SYT16: variants seen among roughly 807,000 people sequenced by gnomAD.
SYT16 encodes synaptotagmin 16.
A neutral mutation model predicts 61.4 loss-of-function variants in SYT16; 42 were observed. The ratio of observed to expected loss-of-function variants is 0.68; its 90% confidence interval spans 0.53 to 0.89. The LOEUF is 0.89. Among genes scored for constraint, SYT16 ranks in the 40% least tolerant of loss-of-function variants. The pLI, the probability that SYT16 is intolerant of heterozygous loss-of-function variation, is 0.00. For synonymous variants in SYT16, 314 were observed against 302.3 expected (o/e 1.04, Z -0.40); for missense variants, 804 against 807.3 (o/e 1.00, Z 0.05).
chr14:61,892,902 C>CA (rs2048188209), intron 1 of SYT16, among the ~76,000 whole-genome samples: 1 of 151,942 alleles, frequency 6.6e-6, no homozygotes, highest in Admixed American at 6.6e-5. Flanking sequence ...ACAGAATAAA[C>CA]GGTTTTTTTT....
intron 1 of SYT16, among the ~76,000 whole-genome samples, chr14:61,820,252 C>A (rs1378088312): frequency 1.3e-5 from 2 of 152,158 alleles, no homozygotes; most frequent in African/African-American, 4.8e-5. Flanking sequence ...GAAATGTGCA[C>A]ACACACAACT....
chr14:62,068,805 C>CT lies in SYT16; in HGVS notation c.524-790dup, dbSNP rs1566816537. ...AATGAGTCTCTTTTCTCTTCTTTTT[C>CT]TTTTTTTTGAGACAGTGTCTCACTC... On this transcript the variant is annotated intron_variant, in intron 3 of 7. Transcript: ENST00000683842. Among the ~76,000 whole-genome samples, 3 of 151,720 alleles carry CT rather than the reference C, an allele frequency of 2.0e-5. No individual in the cohort carries two copies. In the South Asian group the frequency reaches 6.2e-4, roughly 32 times the overall value.
At chr14:61,984,907 TA>T (rs1173639926) in intron 2 of SYT16, among the ~76,000 whole-genome samples, 1 of 152,166 alleles carries the variant, frequency 6.6e-6, no homozygotes, top group African/African-American at 2.4e-5. Flanking sequence ...AAGGGAAATG[TA>T]AAAGGAGTGT....
intron 2 of SYT16, among the ~76,000 whole-genome samples, chr14:61,981,247 A>T (rs566075230): frequency 6.6e-6 from 1 of 152,190 alleles, no homozygotes; most frequent in African/African-American, 2.4e-5. Flanking sequence ...TATTAATCTC[A>T]TCTACAATAA....
intron 2 of SYT16, among the ~76,000 whole-genome samples, chr14:61,979,319 T>C (rs2051954684): frequency 6.6e-6 from 1 of 152,302 alleles, no homozygotes; most frequent in South Asian, 2.1e-4. Context: ...TTAGTATGAT[T>C]GATGAATTAA....
rs2057583670 is a variant in SYT16 at position 62,110,216 on chromosome 14, A to C, written c.*9509A>C. The C allele has an allele frequency of 6.6e-6, 1 of 152,196 alleles. No individual in the cohort carries two copies. Among genetic ancestry groups the C allele is most frequent in the African/African-American group, 2.4e-5 (1 of 41,458 alleles). 9.4% of individuals were successfully genotyped at this position (152,196 alleles called of 1,614,324 possible). A position where few individuals can be genotyped will look rare whatever the true frequency, so the allele number is the denominator to read the frequency against. The stretch of plus-strand genomic sequence containing the variant: ...CCTGTGTTCTGATATCAAATCTTCC[A>C]CTAATGAGCTCTAAAATGAATATCA... On this transcript the variant is annotated 3_prime_UTR_variant, in exon 8 of 8. Coordinates refer to ENST00000683842, the MANE Select transcript of SYT16 (RefSeq NM_001367656.1).
intron 1 of SYT16, among the ~76,000 whole-genome samples, chr14:61,923,203 A>G (rs75320803): frequency 0.015 from 2,243 of 152,328 alleles, 53 homozygotes; most frequent in African/African-American, 0.051. Flanking sequence ...CAAATTATGG[A>G]ACTATGGCAC....
At position 62,071,864 on chromosome 14, in the gene SYT16, A is replaced by G. The variant is rs956132042; in HGVS notation, c.736+2049A>G. On this transcript the variant is annotated intron_variant, in intron 4 of 7. Coordinates refer to ENST00000683842, the MANE Select transcript of SYT16 (RefSeq NM_001367656.1). ...GCCAAATCTAAGTAAAATCTGAAAC[A>G]TGAGTGAGCTATTGGTAGGTTGTCT... is the stretch of plus-strand genomic sequence containing the variant. Among the ~76,000 whole-genome samples the G allele has an allele frequency of 2.6e-5, 4 of 152,356 alleles. No individual in the cohort carries two copies. The South Asian group carries it at 8.3e-4, about 32-fold the overall frequency.
At chr14:61,999,398 G>T (rs533729665) in intron 3 of SYT16, among the ~76,000 whole-genome samples, 1 of 151,656 alleles carries the variant, frequency 6.6e-6, no homozygotes, top group South Asian at 2.1e-4. Context: ...TGAAGTTATG[G>T]ACATAGTAGT....
intron 1 of SYT16, among the ~76,000 whole-genome samples, chr14:61,937,438 T>C (rs1320403564): frequency 1.3e-5 from 2 of 152,224 alleles, no homozygotes; most frequent in Non-Finnish European, 2.9e-5. Context: ...GCTGTAAGAC[T>C]TACTTAGCTT....
chr14:61,939,685 TAC>T (rs2050132791), intron 1 of SYT16, among the ~76,000 whole-genome samples: 1 of 152,166 alleles, frequency 6.6e-6, no homozygotes, highest in Non-Finnish European at 1.5e-5. Context: ...TATCTCCAAA[TAC>T]AGTGACCTTC....
chr14:61,814,367 T>C (rs571005505), intron 1 of SYT16, among the ~76,000 whole-genome samples: 1 of 152,346 alleles, frequency 6.6e-6, no homozygotes, highest in South Asian at 2.1e-4. Flanking sequence ...TTTGGCCTTA[T>C]TGTGTTATTA....
chr14:61,848,099 G>C (rs975395372), intron 1 of SYT16, among the ~76,000 whole-genome samples: 1 of 152,136 alleles, frequency 6.6e-6, no homozygotes, highest in Non-Finnish European at 1.5e-5. Context: ...TTTCCTGTAT[G>C]GTCTTCATGC....
rs115791200 is a variant in SYT16, at chr14:61,937,166, A to G, written c.-324-32966A>G. 6.3e-3 allele frequency among the ~76,000 whole-genome samples: 960 copies of G among 152,270 alleles called. 10 individuals carry two copies. Among genetic ancestry groups the G allele is most frequent in the African/African-American group, 0.022 (898 of 41,550 alleles). ...TATTTCTAAGAGCTTCAAAGTTTAC[A>G]TTTGCTTTAAACTGATTTTGCTTTG... On this transcript the variant is annotated intron_variant, in intron 1 of 7. Transcript: ENST00000683842.
intron 1 of SYT16, among the ~76,000 whole-genome samples, chr14:61,834,531 G>A (rs904259656): frequency 7.3e-6 from 1 of 136,806 alleles, no homozygotes; most frequent in Non-Finnish European, 1.5e-5. Flanking sequence ...TCTGCCTCCC[G>A]GGTTTAAGTG....
chr14:61,998,488 G>A (rs776910186), intron 3 of SYT16, among the ~76,000 whole-genome samples: 10 of 151,916 alleles, frequency 6.6e-5, no homozygotes, highest in South Asian at 2.1e-4. Flanking sequence ...CTACCATAAC[G>A]CGTTTGAGAT....
chr14:61,935,712 C>T (rs1426501994), intron 1 of SYT16, among the ~76,000 whole-genome samples: 1 of 152,170 alleles, frequency 6.6e-6, no homozygotes, highest in African/African-American at 2.4e-5. Context: ...CCCATGTGGG[C>T]TCTAAGTCGG....
In SYT16 at chr14:62,035,655, T is replaced by C. The variant is rs147581814; in HGVS notation, c.524-33948T>C. On this transcript the variant is annotated intron_variant, in intron 3 of 7. Transcript: ENST00000683842. The stretch of plus-strand genomic sequence containing the variant: ...GTTCCACGCATTGCTTTGTAAGCTA[T>C]TTGGAACTTGAAAGACACTTTCCTA... 8.0e-3 allele frequency among the ~76,000 whole-genome samples: 1,225 copies of C among 152,316 alleles called. 16 individuals are homozygous for C. Among genetic ancestry groups the C allele is most frequent in the African/African-American group, 0.028 (1,170 of 41,566 alleles).
chr14:62,084,856 T>G (rs752655890), intron 7 of SYT16, among the ~76,000 whole-genome samples: 1 of 152,196 alleles, frequency 6.6e-6, no homozygotes, highest in African/African-American at 2.4e-5. Flanking sequence ...AAGATATTAA[T>G]AGTACCTTCC....
Sources: gnomAD v4.1 joint callset for allele counts (sites outside exome capture counted in the v4.1 genomes callset) on GRCh38, gnomAD v4.1.1 for gene constraint, MANE v1.5 for transcripts, NCBI Gene and HGNC (gene_info 2026-07-23, HGNC 2026-07-21) for gene names.